LYPLAL1: variants seen among roughly 807,000 people sequenced by gnomAD.
LYPLAL1 encodes the protein lysophospholipase like 1.
Under a neutral mutation model 19.7 loss-of-function variants are expected in LYPLAL1, and 23 were observed. That is an observed-to-expected ratio of 1.17 (90% CI 0.84 to 1.65). The LOEUF is 1.65. Among genes scored for constraint, LYPLAL1 ranks in the 40% most tolerant of loss-of-function variants. The pLI is 0.00. For missense variants in LYPLAL1, 355 were observed against 279.4 expected (o/e 1.27, Z -1.93); for synonymous variants, 119 against 96.3 (o/e 1.24, Z -1.38).
chr1:219,315,785 A>G, the LYPLAL1 span, among the ~76,000 whole-genome samples: 1 of 152,220 alleles, frequency 6.6e-6, no homozygotes, highest in South Asian at 2.1e-4. Flanking sequence ...ATAAGGAAAC[A>G]GCAAAACTTT....
the LYPLAL1 span, among the ~76,000 whole-genome samples, chr1:219,281,174 T>TAG: frequency 6.6e-6 from 1 of 152,206 alleles, no homozygotes; most frequent in African/African-American, 2.4e-5. Context: ...GCTTGGCAGT[T>TAG]TGATTCATAG....
At chr1:219,224,331 G>GA in the LYPLAL1 span, among the ~76,000 whole-genome samples, 1 of 152,114 alleles carries the variant, frequency 6.6e-6, no homozygotes, top group African/African-American at 2.4e-5. Flanking sequence ...AGTGGCAAGA[G>GA]AAAAAATATC....
the LYPLAL1 span, among the ~76,000 whole-genome samples, chr1:219,292,077 G>A: frequency 3.3e-5 from 5 of 152,040 alleles, no homozygotes; most frequent in African/African-American, 9.7e-5. Flanking sequence ...AAATGAACAC[G>A]TGGGCTCCTC....
At chr1:219,267,532 G>A in the LYPLAL1 span, among the ~76,000 whole-genome samples, 5 of 152,208 alleles carry the variant, frequency 3.3e-5, no homozygotes, top group South Asian at 1.0e-3. Context: ...ACTACGTCTG[G>A]GAAAACTAGG....
chr1:219,224,120 G>T, the LYPLAL1 span, among the ~76,000 whole-genome samples: 1 of 152,012 alleles, frequency 6.6e-6, no homozygotes, highest in Non-Finnish European at 1.5e-5. Context: ...ATTGAGTGGG[G>T]GTGTCCATGA....
At chr1:219,334,448 T>G in the LYPLAL1 span, among the ~76,000 whole-genome samples, 2 of 151,862 alleles carry the variant, frequency 1.3e-5, no homozygotes, top group African/African-American at 4.8e-5. Context: ...CTAGAATACA[T>G]TTTCCTTTTT....
chr1:219,230,319 G>A, the LYPLAL1 span, among the ~76,000 whole-genome samples: 222 of 152,254 alleles, frequency 1.5e-3, 6 homozygotes, highest in East Asian at 0.036. Flanking sequence ...CACCATATTG[G>A]CCAGGCTGAT....
chr1:219,368,864 G>A, the LYPLAL1 span, among the ~76,000 whole-genome samples: 1 of 152,224 alleles, frequency 6.6e-6, no homozygotes, highest in Non-Finnish European at 1.5e-5. Flanking sequence ...TTGGGTAGCA[G>A]TAACTATGAA....
At chr1:219,320,913 GTCTT>G in the LYPLAL1 span, among the ~76,000 whole-genome samples, 1 of 152,168 alleles carries the variant, frequency 6.6e-6, no homozygotes, top group Non-Finnish European at 1.5e-5. Context: ...GTGTGCATGT[GTCTT>G]TATAGCAGCA....
At chr1:219,179,407 G>T in intron 2 of LYPLAL1, 161 bp downstream of exon 2, 2 of 589,590 alleles carry the variant, frequency 3.4e-6, no homozygotes, top group Non-Finnish European at 5.9e-6. Context: ...CAGTTACACT[G>T]TTGGACCAAG....
chr1:219,256,160 C>G, the LYPLAL1 span, among the ~76,000 whole-genome samples: 2 of 151,800 alleles, frequency 1.3e-5, no homozygotes, highest in Non-Finnish European at 2.9e-5. Context: ...GCGGAATTCA[C>G]AAGTGAAATC....
chr1:219,311,264 A>T, the LYPLAL1 span, among the ~76,000 whole-genome samples: 1 of 152,164 alleles, frequency 6.6e-6, no homozygotes, highest in South Asian at 2.1e-4. Flanking sequence ...GAAGTTTAAA[A>T]ATTGTGAGAT....
At chr1:219,258,215 G>A in the LYPLAL1 span, among the ~76,000 whole-genome samples, 2 of 151,952 alleles carry the variant, frequency 1.3e-5, no homozygotes, top group Middle Eastern at 3.2e-3. Context: ...TTGATCAAAC[G>A]CACATTTTAC....
intron 2 of LYPLAL1, among the ~76,000 whole-genome samples, chr1:219,192,486 AG>A (rs779368484): frequency 6.6e-6 from 1 of 151,608 alleles, no homozygotes; most frequent in African/African-American, 2.4e-5. Context: ...TCATTACGTG[AG>A]GAGAAAGCAG....
the LYPLAL1 span, among the ~76,000 whole-genome samples, chr1:219,434,322 T>C: frequency 0.044 from 6,672 of 152,332 alleles, 229 homozygotes; most frequent in African/African-American, 0.098. Flanking sequence ...AGATTTAGGT[T>C]GAAGATTTGA....
chr1:219,236,762 A>T, the LYPLAL1 span, among the ~76,000 whole-genome samples: 2 of 152,224 alleles, frequency 1.3e-5, no homozygotes, highest in Non-Finnish European at 2.9e-5. Flanking sequence ...CCTTAAAAAA[A>T]TTTTAACTTC....
intron 1 of LYPLAL1, chr1:219,174,397 C>T: frequency 1.7e-6 from 1 of 596,538 alleles, no homozygotes. Context: ...TTTTTCCAGG[C>T]TCCCATACTA....
the LYPLAL1 span, among the ~76,000 whole-genome samples, chr1:219,351,155 T>C: frequency 6.6e-6 from 1 of 151,636 alleles, no homozygotes; most frequent in Non-Finnish European, 1.5e-5. Flanking sequence ...ATTTGCCAAA[T>C]AGATTAACAG....
chr1:219,340,973 A>G, the LYPLAL1 span, among the ~76,000 whole-genome samples: 3 of 152,064 alleles, frequency 2.0e-5, no homozygotes, highest in East Asian at 1.9e-4. Context: ...GGCTTCCTCT[A>G]AACTGCTGTA....
Sources: gnomAD v4.1 joint callset for allele counts (sites outside exome capture counted in the v4.1 genomes callset) on GRCh38, gnomAD v4.1.1 for gene constraint, MANE v1.5 for transcripts, NCBI Gene and HGNC (gene_info 2026-07-23, HGNC 2026-07-21) for gene names.